The following CYLD variants were observed in gnomAD, a reference collection of about 807,000 sequenced individuals.
The protein encoded by CYLD is CYLD lysine 63 deubiquitinase.
A neutral mutation model predicts 104.5 loss-of-function variants in CYLD; 26 were observed. The observed-to-expected ratio is 0.25, with a 90% CI of 0.18 to 0.35. The LOEUF (loss-of-function observed/expected upper bound fraction) is 0.35, where lower values mean the gene tolerates loss of function less well. Among genes scored for constraint, CYLD ranks in the 10% least tolerant of loss-of-function variants. The probability of loss-of-function intolerance (pLI) is 1.00; values close to 1 mark genes in which losing one functional copy is unlikely to be tolerated. For missense variants in CYLD, 703 were observed against 1,136.1 expected, an observed-to-expected ratio of 0.62 and a Z score of 5.48; for synonymous variants, 385 against 399.9, an observed-to-expected ratio of 0.96 and a Z score of 0.45.
intron 14 of CYLD, among the ~76,000 whole-genome samples, chr16:50,788,903 A>G (rs1971128545): frequency 6.6e-6 from 1 of 152,194 alleles, no homozygotes; most frequent in Non-Finnish European, 1.5e-5. Flanking sequence ...ATACAGAGCT[A>G]AAAGGGTTTT....
chr16:50,790,548 T>C (rs2151026479), intron 14 of CYLD, among the ~76,000 whole-genome samples: 1 of 152,298 alleles, frequency 6.6e-6, no homozygotes, highest in East Asian at 1.9e-4. Flanking sequence ...GATTAAAACA[T>C]TGGTATATCA....
chr16:50,761,333 T>C (rs1315355179), intron 5 of CYLD, among the ~76,000 whole-genome samples: 1 of 152,230 alleles, frequency 6.6e-6, no homozygotes, highest in Non-Finnish European at 1.5e-5. Context: ...AATTTTTAAG[T>C]GTATAATTCA....
At position 50,775,161 on chromosome 16, in the gene CYLD, C is replaced by T; in HGVS notation, c.914-5C>T. ...GTGGGTGATATCGTTTTTGCTGACA[C>T]ACAGCTTTATCAGGTATGACTCCTA... is the stretch of plus-strand genomic sequence containing the variant. On this transcript the variant is annotated splice_region_variant and splice_polypyrimidine_tract_variant and intron_variant, in intron 5 of 18. Coordinates refer to ENST00000427738, the MANE Select transcript of CYLD (RefSeq NM_001378743.1). 6.3e-7 allele frequency: 1 copy of T among 1,597,018 alleles called. No homozygotes were observed. Among genetic ancestry groups the T allele is most frequent in the South Asian group, 1.1e-5 (1 of 90,892 alleles).
chr16:50,788,364 C>T (rs1038462763), intron 14 of CYLD, among the ~76,000 whole-genome samples: 10 of 152,152 alleles, frequency 6.6e-5, no homozygotes, highest in Admixed American at 2.0e-4. Context: ...AATGACTGAA[C>T]GTTCCAGGTA....
At chr16:50,770,861 A>G (rs1323834961) in intron 5 of CYLD, among the ~76,000 whole-genome samples, 1 of 152,154 alleles carries the variant, frequency 6.6e-6, no homozygotes, top group East Asian at 1.9e-4. Context: ...TATTCTAGAT[A>G]CTAATTCTTT....
chr16:50,761,236 T>C (rs1967888589), intron 5 of CYLD, among the ~76,000 whole-genome samples: 2 of 152,330 alleles, frequency 1.3e-5, no homozygotes, highest in East Asian at 1.9e-4. Flanking sequence ...TTGTCATTTG[T>C]CTTTTTTTAA....
chr16:50,798,292 T>C lies in CYLD; in HGVS notation c.*1784T>C, dbSNP rs907796042. On this transcript the variant is annotated 3_prime_UTR_variant, in exon 19 of 19. Transcript: ENST00000427738. Reference sequence around the variant, plus strand: ...TTTCTCATCCATGGATTCAACCAACTGCAAATGGAAAATACGATTTTTTTT... The same window carrying C: ...TTTCTCATCCATGGATTCAACCAACCGCAAATGGAAAATACGATTTTTTTT... The C allele has an allele frequency of 2.2e-4, 50 of 232,092 alleles. No homozygotes were observed. The highest frequency in any genetic ancestry group is 1.1e-3 in the African/African-American group (49 of 45,304). The allele number at this position is 232,092 out of a possible 1,614,324, so 14.4% of individuals were successfully genotyped here.
In CYLD at chr16:50,782,393, G is replaced by C. The variant is rs760703224; in HGVS notation, c.1753G>C (p.Glu585Gln). The change falls in exon 11 of 19, where the codon GAG becomes CAG. Residue 585 changes from glutamate to glutamine, a missense_variant. Transcript: ENST00000427738. The part of the protein sequence containing the change: ...TPPKMEKEGL[E>Q]IMIGKKKGIQ... ...ACCAAAAATGGAAAAAGAAGGCTTG[G>C]AGATAATGATTGGGAAGAAGAAAGG... 1 of 1,613,832 alleles carries C rather than the reference G, an allele frequency of 6.2e-7. No individual in the cohort carries two copies. The highest frequency in any genetic ancestry group is 8.5e-7 in the Non-Finnish European group (1 of 1,179,752).
chr16:50,766,354 G>A (rs1175248065), intron 5 of CYLD, among the ~76,000 whole-genome samples: 6 of 152,140 alleles, frequency 3.9e-5, no homozygotes, highest in Non-Finnish European at 7.4e-5. Flanking sequence ...GAGACCTACT[G>A]CTCAGAAAAA....
intron 5 of CYLD, among the ~76,000 whole-genome samples, chr16:50,768,902 C>T (rs1174440015): frequency 1.3e-5 from 2 of 152,162 alleles, no homozygotes; most frequent in Non-Finnish European, 2.9e-5. Flanking sequence ...TTCAGACAAC[C>T]ACTGGTCTTC....
rs1285455482 is a variant in CYLD, at chr16:50,794,296, G to A, written c.2554G>A (p.Gly852Ser). 15 of 1,613,982 alleles carry A rather than the reference G, an allele frequency of 9.3e-6. No individual in the cohort carries two copies. The highest frequency in any genetic ancestry group is 2.7e-5 in the African/African-American group (2 of 74,900). ...CTTACCCGACTGGGACTGGAGACAC[G>A]GCTGCATCCCTTGCCAGAATATGGA... is the stretch of plus-strand genomic sequence containing the variant. ...KDLPDWDWRH[G>S]CIPCQNMELF... is the part of the protein sequence containing the mutation. The change falls in exon 18 of 19, where the codon GGC (glycine) becomes AGC (serine). Residue 852 changes from glycine (G) to serine (S), a missense_variant. Around this residue, in one of 5 missense-constraint regions of CYLD, gnomAD observed 130 missense variants for 220.2 expected, o/e 0.59. Coordinates refer to ENST00000427738, the MANE Select transcript of CYLD (RefSeq NM_001378743.1). The surrounding 1 kb of genome is among the most constrained non-coding windows in gnomAD (Gnocchi z 4.1).
intron 5 of CYLD, among the ~76,000 whole-genome samples, chr16:50,771,642 T>A (rs73584463): frequency 0.23 from 34,927 of 152,102 alleles, 6,591 homozygotes; most frequent in African/African-American, 0.53. Flanking sequence ...AGGGTTCTAA[T>A]TTCTTTGCAT....
intron 1 of CYLD, chr16:50,742,503 G>A (rs1965782830): frequency 1.2e-5 from 4 of 320,138 alleles, no homozygotes; most frequent in Non-Finnish European, 2.3e-5. Flanking sequence ...CCAGAGGAGA[G>A]AGGACTTGGG....
chr16:50,749,836 A>G lies in CYLD; in HGVS notation c.138A>G (p.Ile46Met), dbSNP rs745498288. Residue 46 changes from isoleucine to methionine, a missense_variant, in exon 3 of 19, where the codon ATA becomes ATG. This residue lies in a region of CYLD where 142 missense variants were observed against 165.1 expected (regional missense o/e 0.86). Coordinates refer to ENST00000427738, the MANE Select transcript of CYLD (RefSeq NM_001378743.1). Reference sequence around the variant, plus strand: ...TCCTTAAAGTACCGAAGGGAAGTATAGGACAGTATATTCAAGATCGTTCTG... The same window carrying G: ...TCCTTAAAGTACCGAAGGGAAGTATGGGACAGTATATTCAAGATCGTTCTG... ...QKLLKVPKGS[I>M]GQYIQDRSVG... 1.2e-6 allele frequency: 2 copies of G among 1,614,194 alleles called. No individual in the cohort carries two copies. Among genetic ancestry groups the G allele is most frequent in the Non-Finnish European group, 1.7e-6 (2 of 1,180,022 alleles).
intron 14 of CYLD, among the ~76,000 whole-genome samples, chr16:50,788,661 C>G (rs1971092734): frequency 6.6e-6 from 1 of 152,094 alleles, no homozygotes; most frequent in Admixed American, 6.5e-5. Context: ...TTCATATTAT[C>G]TGTTCAAAGA....
chr16:50,791,769 G>T, intron 15 of CYLD, 79 bp downstream of exon 15: 1 of 1,477,762 alleles, frequency 6.8e-7, no homozygotes, highest in Non-Finnish European at 9.4e-7. Flanking sequence ...AGTATCTATT[G>T]ATTTTAACTA....
rs780785975 is a variant in CYLD, at chr16:50,749,962, T to C, written c.264T>C (p.Asp88=). The change falls in exon 3 of 19, where the codon GAT becomes GAC. Residue 88 remains aspartate (D), a synonymous_variant. Coordinates refer to ENST00000427738, the MANE Select transcript of CYLD (RefSeq NM_001378743.1). Reference sequence around the variant, plus strand: ...CAGTTCTCTTTGTTGATGAAAAGGATGTTGTAGAGATAAATGAAAAGTTCA... The same window carrying C: ...CAGTTCTCTTTGTTGATGAAAAGGACGTTGTAGAGATAAATGAAAAGTTCA... ...PHAVLFVDEK[D]VVEINEKFTE... 85 of 1,614,106 alleles carry C rather than the reference T, an allele frequency of 5.3e-5. 1 individual carries two copies. The South Asian group carries it at 8.8e-4, about 17-fold the overall frequency.
intron 5 of CYLD, among the ~76,000 whole-genome samples, chr16:50,767,019 TG>T (rs1329936572): frequency 2.6e-5 from 4 of 152,170 alleles, no homozygotes; most frequent in Non-Finnish European, 1.5e-5. Context: ...ACTTCTATTG[TG>T]AGTAAAATGC....
rs1238447051 is a variant in CYLD at position 50,796,491 on chromosome 16, A to T, written c.2854A>T (p.Met952Leu). 4 of 1,613,526 alleles carry T rather than the reference A, an allele frequency of 2.5e-6. No individual in the cohort carries two copies. Among genetic ancestry groups the T allele is most frequent in the Non-Finnish European group, 3.4e-6 (4 of 1,180,000 alleles). Reference protein sequence around the residue: ...AYMCMYQSPTMSLYK With the variant: ...AYMCMYQSPTLSLYK ...TATGTGCATGTACCAGAGTCCAACA[A>T]TGAGTTTGTACAAATAACTGGGGTC... Residue 952 changes from methionine (M) to leucine (L), a missense_variant, in exon 19 of 19, where the codon ATG (methionine) becomes TTG (leucine). Coordinates refer to ENST00000427738, the MANE Select transcript of CYLD (RefSeq NM_001378743.1).
Sources: gnomAD v4.1 joint callset for allele counts (sites outside exome capture counted in the v4.1 genomes callset) on GRCh38, gnomAD v4.1.1 for gene constraint, gnomAD v4.1.1 regional missense constraint, Gnocchi (gnomAD v3.1) non-coding constraint, MANE v1.5 for transcripts, NCBI Gene and HGNC (gene_info 2026-07-23, HGNC 2026-07-21) for gene names.